Variants in STK33 observed in about 807,000 individuals in gnomAD.
The protein encoded by STK33 is serine/threonine-protein kinase 33.
A neutral mutation model predicts 58.0 loss-of-function variants in STK33; 52 were observed. The ratio of observed to expected loss-of-function variants is 0.90; its 90% CI spans 0.72 to 1.13. The LOEUF is 1.13. STK33 is among the 50% of genes most tolerant of loss of function. The pLI is 0.00. For synonymous variants in STK33, 215 were observed against 200.1 expected (o/e 1.07, Z -0.63); for missense variants, 630 against 604.2 (o/e 1.04, Z -0.45).
chr11:8,531,674 C>G (rs58364522), intron 1 of STK33, among the ~76,000 whole-genome samples: 23,120 of 152,134 alleles, frequency 0.15, 2,410 homozygotes, highest in African/African-American at 0.3. Flanking sequence ...GAGCCTCCCA[C>G]AGAACCGGGA....
the STK33 span, among the ~76,000 whole-genome samples, chr11:8,367,327 T>C: frequency 5.3e-5 from 8 of 152,252 alleles, no homozygotes; most frequent in African/African-American, 1.9e-4. Flanking sequence ...TGGGTATACA[T>C]TGTGTATATA....
chr11:8,506,781 T>C (rs986391247), intron 1 of STK33, among the ~76,000 whole-genome samples: 1 of 152,200 alleles, frequency 6.6e-6, no homozygotes, highest in African/African-American at 2.4e-5. Flanking sequence ...ATTTTCCCTC[T>C]TATATTTGTC....
chr11:8,471,649 G>A (rs1948792176), intron 6 of STK33, among the ~76,000 whole-genome samples: 1 of 151,896 alleles, frequency 6.6e-6, no homozygotes, highest in Non-Finnish European at 1.5e-5. Context: ...TATATTTTAT[G>A]GGGGAATAGA....
chr11:8,572,196 C>A (rs1243599049), intron 1 of STK33, among the ~76,000 whole-genome samples: 1 of 151,942 alleles, frequency 6.6e-6, no homozygotes, highest in Non-Finnish European at 1.5e-5. Context: ...CCTATTCCTG[C>A]CAGACAGAGA....
intron 5 of STK33, 123 bp downstream of exon 5, chr11:8,474,558 G>T: frequency 1.5e-6 from 1 of 686,352 alleles, no homozygotes; most frequent in Non-Finnish European, 2.3e-6. Flanking sequence ...AGAAAGAAAT[G>T]TTTAATAGTT....
chr11:8,578,521 C>T (rs2141284733), intron 1 of STK33, among the ~76,000 whole-genome samples: 1 of 151,604 alleles, frequency 6.6e-6, no homozygotes, highest in Non-Finnish European at 1.5e-5. Context: ...CAGTATACTA[C>T]CACTTGTATA....
chr11:8,549,012 T>C (rs751585947), intron 1 of STK33, among the ~76,000 whole-genome samples: 11 of 152,190 alleles, frequency 7.2e-5, no homozygotes, highest in Non-Finnish European at 1.3e-4. Flanking sequence ...AGCCAATTTA[T>C]CCTTTTTCAC....
At chr11:8,360,556 G>A in the STK33 span, among the ~76,000 whole-genome samples, 1 of 152,260 alleles carries the variant, frequency 6.6e-6, no homozygotes, top group African/African-American at 2.4e-5. Context: ...CAGAAGTCCA[G>A]CACAGTCTGA....
chr11:8,515,339 T>G, intron 1 of STK33, among the ~76,000 whole-genome samples: 2 of 152,154 alleles, frequency 1.3e-5, no homozygotes, highest in South Asian at 4.1e-4. Flanking sequence ...CTTAGAAACA[T>G]AGAACCTACC....
At chr11:8,408,936 G>C (rs1049419685) in intron 15 of STK33, among the ~76,000 whole-genome samples, 8 of 152,196 alleles carry the variant, frequency 5.3e-5, no homozygotes, top group African/African-American at 1.9e-4. Flanking sequence ...TGGAGACTCA[G>C]CATCCATGGT....
chr11:8,391,068 T>C (rs768933449), downstream of STK33, among the ~76,000 whole-genome samples: 12 of 152,146 alleles, frequency 7.9e-5, no homozygotes, highest in Non-Finnish European at 1.8e-4. Flanking sequence ...AGTGCACACA[T>C]CTGCCTTTGA....
At chr11:8,541,054 AT>A (rs1440612504) in intron 1 of STK33, among the ~76,000 whole-genome samples, 1 of 151,396 alleles carries the variant, frequency 6.6e-6, no homozygotes, top group East Asian at 1.9e-4. Flanking sequence ...TACATAACAC[AT>A]TTTTTTAAAT....
intron 1 of STK33, among the ~76,000 whole-genome samples, chr11:8,498,028 T>G (rs963163319): frequency 2.0e-5 from 3 of 152,120 alleles, no homozygotes; most frequent in African/African-American, 7.2e-5. Context: ...CAAGTGGAAC[T>G]GATCTCAGAA....
At chr11:8,371,099 C>T in the STK33 span, among the ~76,000 whole-genome samples, 1 of 152,228 alleles carries the variant, frequency 6.6e-6, no homozygotes, top group African/African-American at 2.4e-5. Flanking sequence ...CATGAAGGAA[C>T]GTAATGGGCT....
chr11:8,498,686 T>C (rs530147456), intron 1 of STK33, among the ~76,000 whole-genome samples: 3 of 152,152 alleles, frequency 2.0e-5, no homozygotes, highest in Admixed American at 6.5e-5. Context: ...TCAAACTATA[T>C]ACAAGGCTAC....
At chr11:8,555,059 G>A (rs184020033) in intron 1 of STK33, 1 of 152,122 alleles carries the variant, frequency 6.6e-6, no homozygotes, top group East Asian at 1.9e-4. Context: ...TTTCTCTTCA[G>A]CCAGGGTTGG....
At chr11:8,508,720 G>A (rs1952066987) in intron 1 of STK33, among the ~76,000 whole-genome samples, 1 of 152,156 alleles carries the variant, frequency 6.6e-6, no homozygotes, top group Non-Finnish European at 1.5e-5. Context: ...CGGGACATGT[G>A]AGGAATTAAC....
intron 11 of STK33, among the ~76,000 whole-genome samples, chr11:8,445,866 T>A (rs561981240): frequency 6.6e-6 from 1 of 152,162 alleles, no homozygotes. Flanking sequence ...CTCTGCCAGG[T>A]TTTGGTATCA....
chr11:8,399,675 C>T (rs1850031321), intron 15 of STK33, among the ~76,000 whole-genome samples: 1 of 152,028 alleles, frequency 6.6e-6, no homozygotes, highest in South Asian at 2.1e-4. Flanking sequence ...TCAATGAATC[C>T]AGGAGCTGGT....
Sources: allele counts gnomAD v4.1 joint callset (sites outside exome capture counted in the v4.1 genomes callset), GRCh38; gene constraint gnomAD v4.1.1; transcripts MANE v1.5; gene names NCBI Gene and HGNC (gene_info 2026-07-23, HGNC 2026-07-21).